Variants in BAZ2B observed in about 807,000 individuals in gnomAD.
The protein encoded by BAZ2B is bromodomain adjacent to zinc finger domain protein 2B.
BAZ2B carries 91 observed loss-of-function variants against 246.0 expected under a neutral mutation model. That is an observed-to-expected ratio of 0.37 (90% CI 0.31 to 0.44). BAZ2B has a LOEUF of 0.44. Among genes scored for constraint, BAZ2B ranks in the 20% least tolerant of loss-of-function variants. BAZ2B has a pLI of 1.00. For missense variants in BAZ2B, 2,332 were observed against 2,533.7 expected (o/e 0.92, Z 1.71); for synonymous variants, 855 against 860.0 (o/e 0.99, Z 0.10).
intron 4 of BAZ2B, among the ~76,000 whole-genome samples, chr2:159,449,762 A>G (rs1302401062): frequency 6.6e-6 from 1 of 152,216 alleles, no homozygotes; most frequent in African/African-American, 2.4e-5. Flanking sequence ...CGTTTAGATG[A>G]AAGATGTACA....
chr2:159,459,779 T>C (rs1482549229), intron 3 of BAZ2B: 1 of 152,144 alleles, frequency 6.6e-6, no homozygotes, highest in African/African-American at 2.4e-5. Flanking sequence ...TAGTAGAATG[T>C]TTCACTTTTA....
At chr2:159,587,563 T>C (rs559616765) in intron 1 of BAZ2B, among the ~76,000 whole-genome samples, 65 of 152,310 alleles carry the variant, frequency 4.3e-4, no homozygotes, top group Admixed American at 3.5e-3. Context: ...ACTGACTAAA[T>C]TACCAAGTTT....
At chr2:159,702,317 G>C in the BAZ2B span, among the ~76,000 whole-genome samples, 2 of 151,968 alleles carry the variant, frequency 1.3e-5, no homozygotes, top group Non-Finnish European at 2.9e-5. Context: ...TTTCTTCTAA[G>C]CACAGACAAG....
chr2:159,416,334 A>G (rs974081648), intron 13 of BAZ2B, among the ~76,000 whole-genome samples: 3 of 152,234 alleles, frequency 2.0e-5, no homozygotes, highest in Non-Finnish European at 4.4e-5. Context: ...CTTTTAGGCC[A>G]TAAGCCACTA....
chr2:159,350,174 A>G lies in BAZ2B; in HGVS notation c.4397T>C (p.Phe1466Ser). The G allele has an allele frequency of 6.2e-7, 1 of 1,614,114 alleles. No homozygotes were observed. Among genetic ancestry groups the G allele is most frequent in the East Asian group, 2.2e-5 (1 of 44,882 alleles). The change falls in exon 28 of 37, where the codon TTT (phenylalanine) becomes TCT (serine). Residue 1466 changes from phenylalanine to serine, a missense_variant. Physicochemically the swap from Phe to Ser is radical, Grantham distance 155. Around this residue, in one of 9 missense-constraint regions of BAZ2B, gnomAD observed 676 missense variants for 668.6 expected, o/e 1.01. Coordinates refer to ENST00000392783, the MANE Select transcript of BAZ2B (RefSeq NM_013450.4). ...TNLFLQKPGS[F>S]SKLSKLLEVA... ...TTCCAAAAGCTTGCTTAATTTGGAA[A>G]AAGAGCCAGGTTTCTGAAGGAATAG...
chr2:159,541,360 C>T (rs2086643575), intron 2 of BAZ2B, among the ~76,000 whole-genome samples: 1 of 151,948 alleles, frequency 6.6e-6, no homozygotes, highest in Non-Finnish European at 1.5e-5. Flanking sequence ...CTCACTGCAA[C>T]CTCTGTCTCT....
intron 2 of BAZ2B, among the ~76,000 whole-genome samples, chr2:159,498,991 G>A (rs964921977): frequency 6.6e-6 from 1 of 152,014 alleles, no homozygotes; most frequent in African/African-American, 2.4e-5. Flanking sequence ...CAGGAGGCAT[G>A]CTACACCCTC....
chr2:159,636,766 G>A, the BAZ2B span, among the ~76,000 whole-genome samples: 1 of 152,156 alleles, frequency 6.6e-6, no homozygotes, highest in Non-Finnish European at 1.5e-5. Context: ...AATCCAGCTT[G>A]TAGCAATGAA....
chr2:159,428,009 T>A lies in BAZ2B; in HGVS notation c.2398A>T (p.Arg800Trp). Residue 800 changes from arginine to tryptophan, a missense_variant, in exon 13 of 37, where the codon AGG (arginine) becomes TGG (tryptophan). Coordinates refer to ENST00000392783, the MANE Select transcript of BAZ2B (RefSeq NM_013450.4). Reference protein sequence around the residue: ...LSRNGIMDISRDNFSFSAKIR... With the variant: ...LSRNGIMDISWDNFSFSAKIR... Reference sequence around the variant, plus strand: ...TTTGCACTGAAGCTGAAATTGTCCCTTGAGATATCCATTATTCCATTTCTG... The same window carrying A: ...TTTGCACTGAAGCTGAAATTGTCCCATGAGATATCCATTATTCCATTTCTG... 6.2e-7 allele frequency: 1 copy of A among 1,613,506 alleles called. No individual in the cohort carries two copies. The highest frequency in any genetic ancestry group is 8.5e-7 in the Non-Finnish European group (1 of 1,179,546).
chr2:159,591,181 A>G (rs1689323928), intron 1 of BAZ2B, among the ~76,000 whole-genome samples: 1 of 152,216 alleles, frequency 6.6e-6, no homozygotes, highest in Non-Finnish European at 1.5e-5. Context: ...TAACCATTAC[A>G]CAGAAATGAA....
At chr2:159,397,469 G>A in intron 18 of BAZ2B, 80 bp from the exon 19 acceptor site, 1 of 920,642 alleles carries the variant, frequency 1.1e-6, no homozygotes, top group Non-Finnish European at 1.6e-6. Context: ...TTCCTTTTCT[G>A]AGATTCTATA....
intron 9 of BAZ2B, among the ~76,000 whole-genome samples, chr2:159,431,408 T>C (rs1162030285): frequency 6.6e-6 from 1 of 152,216 alleles, no homozygotes; most frequent in Non-Finnish European, 1.5e-5. Flanking sequence ...ATTCACATGA[T>C]GAGTTCTGCT....
intron 3 of BAZ2B, among the ~76,000 whole-genome samples, chr2:159,470,623 T>C (rs2077664462): frequency 6.6e-6 from 1 of 152,146 alleles, no homozygotes; most frequent in Admixed American, 6.5e-5. Flanking sequence ...ACTAGGGCAG[T>C]GGTAGCAGAG....
the BAZ2B span, among the ~76,000 whole-genome samples, chr2:159,668,811 C>T: frequency 4.6e-5 from 7 of 152,202 alleles, no homozygotes; most frequent in South Asian, 1.5e-3. Context: ...AATCCCAGCA[C>T]TTTGGGAGGC....
At chr2:159,378,189 A>G (rs956544262) in intron 25 of BAZ2B, among the ~76,000 whole-genome samples, 3 of 152,220 alleles carry the variant, frequency 2.0e-5, no homozygotes, top group Non-Finnish European at 4.4e-5. Context: ...AATGAAGCAG[A>G]TTGCTTATAA....
the BAZ2B span, among the ~76,000 whole-genome samples, chr2:159,674,154 G>A: frequency 6.6e-6 from 1 of 151,850 alleles, no homozygotes; most frequent in African/African-American, 2.4e-5. Flanking sequence ...GACCAGCCTA[G>A]GCAACATAGT....
chr2:159,354,436 C>T (rs927972255), intron 27 of BAZ2B, among the ~76,000 whole-genome samples: 13 of 152,092 alleles, frequency 8.5e-5, no homozygotes. Flanking sequence ...CTGCAACCTC[C>T]ACCTCCCAGG....
At chr2:159,489,526 C>T (rs1037146752) in intron 2 of BAZ2B, among the ~76,000 whole-genome samples, 8 of 152,112 alleles carry the variant, frequency 5.3e-5, no homozygotes, top group Non-Finnish European at 1.2e-4. Context: ...AAAAACTTTT[C>T]ATTTTTGGTT....
intron 2 of BAZ2B, among the ~76,000 whole-genome samples, chr2:159,534,503 G>A (rs190870228): frequency 6.6e-6 from 1 of 152,186 alleles, no homozygotes; most frequent in Admixed American, 6.5e-5. Context: ...AAAAGAAAAA[G>A]TAAAATTATG....
Sources: gnomAD v4.1 joint callset for allele counts (sites outside exome capture counted in the v4.1 genomes callset) on GRCh38, gnomAD v4.1.1 for gene constraint, gnomAD v4.1.1 regional missense constraint, MANE v1.5 for transcripts, NCBI Gene and HGNC (gene_info 2026-07-23, HGNC 2026-07-21) for gene names.